Variants in PATJ observed in about 807,000 individuals in gnomAD.
The protein encoded by PATJ is PATJ crumbs cell polarity complex component.
A neutral mutation model predicts 224.9 loss-of-function variants in PATJ; 190 were observed. The ratio of observed to expected loss-of-function variants is 0.84; its 90% confidence interval spans 0.75 to 0.95. The LOEUF is 0.95. Ranked by LOEUF, PATJ falls within the 40% of genes least tolerant of loss-of-function variation. The probability of loss-of-function intolerance (pLI) is 0.00; values close to 1 mark genes in which losing one functional copy is unlikely to be tolerated. For synonymous variants in PATJ, 769 were observed against 820.3 expected, an observed-to-expected ratio of 0.94 and a Z score of 1.07; for missense variants, 2,121 against 2,270.3, an observed-to-expected ratio of 0.93 and a Z score of 1.34.
intron 17 of PATJ, chr1:61,845,962 C>A (rs912608733): frequency 1.3e-5 from 2 of 152,164 alleles, no homozygotes; most frequent in African/African-American, 4.8e-5. Flanking sequence ...GAATGTAACA[C>A]CACGAGGTGA....
intron 38 of PATJ, among the ~76,000 whole-genome samples, chr1:62,121,549 T>C (rs1203884916): frequency 6.6e-6 from 1 of 151,670 alleles, no homozygotes; most frequent in Non-Finnish European, 1.5e-5. Flanking sequence ...GCGGATCACC[T>C]GAGGTCAGGA....
At chr1:62,050,233 G>C (rs1653359357) in intron 30 of PATJ, among the ~76,000 whole-genome samples, 1 of 151,782 alleles carries the variant, frequency 6.6e-6, no homozygotes, top group Admixed American at 6.6e-5. Flanking sequence ...ATCTCAAACA[G>C]TTTAGTCATA....
At chr1:61,800,854 G>A (rs1652329992) in intron 11 of PATJ, among the ~76,000 whole-genome samples, 1 of 152,122 alleles carries the variant, frequency 6.6e-6, no homozygotes, top group Non-Finnish European at 1.5e-5. Flanking sequence ...CCTTGTGATA[G>A]TTTGCTCAGA....
rs375857627 is a variant in PATJ, at chr1:61,806,504, A to T, written c.1626+980A>T. On this transcript the variant is annotated intron_variant, in intron 13 of 43. Transcript: ENST00000642238. ...CGTGGTGGCGGTCGCCTGTAATCCC[A>T]GCTACTCGGGAGACTGAGGCAGGAG... 2.0e-5 allele frequency among the ~76,000 whole-genome samples: 3 copies of T among 151,986 alleles called. No homozygotes were observed. In the East Asian group the frequency reaches 5.8e-4, roughly 29 times the overall value.
chr1:62,101,245 G>GTTTCT (rs1175843282), intron 33 of PATJ, among the ~76,000 whole-genome samples: 11 of 146,446 alleles, frequency 7.5e-5, no homozygotes, highest in Non-Finnish European at 1.5e-4. Context: ...TAACACAGTA[G>GTTTCT]TTTCTTTTCT....
intron 27 of PATJ, among the ~76,000 whole-genome samples, chr1:61,934,930 A>G (rs1676621180): frequency 6.6e-6 from 1 of 152,198 alleles, no homozygotes; most frequent in African/African-American, 2.4e-5. Flanking sequence ...TGTGCAGAAC[A>G]GCTTGACTTC....
At chr1:61,784,649 T>G (rs771525285) in intron 7 of PATJ, among the ~76,000 whole-genome samples, 15 of 152,172 alleles carry the variant, frequency 9.9e-5, no homozygotes, top group Non-Finnish European at 2.2e-4. Context: ...AAACACTTAT[T>G]AGACATATAT....
chr1:62,045,965 C>T (rs1210223613), intron 30 of PATJ, among the ~76,000 whole-genome samples: 2 of 152,052 alleles, frequency 1.3e-5, no homozygotes, highest in African/African-American at 4.8e-5. Context: ...CTTTGGGAGG[C>T]TAGGACCGAA....
chr1:62,117,398 TC>T, intron 37 of PATJ, 180 bp downstream of exon 37: 1 of 1,417,018 alleles, frequency 7.1e-7, no homozygotes, highest in Middle Eastern at 2.5e-4. Context: ...AATTCATTAA[TC>T]CCTAGATTTT....
At chr1:61,768,472 A>AAAAAAAATAAATAAATAAAT (rs1553154657) in intron 4 of PATJ, among the ~76,000 whole-genome samples, 3 of 149,306 alleles carry the variant, frequency 2.0e-5, no homozygotes, top group African/African-American at 7.4e-5. Flanking sequence ...TCCGTCTCAA[A>AAAAAAAATAAATAAATAAAT]AAATAAATAA....
chr1:61,972,795 A>G (rs929230884), intron 27 of PATJ, among the ~76,000 whole-genome samples: 2 of 152,066 alleles, frequency 1.3e-5, no homozygotes, highest in Non-Finnish European at 2.9e-5. Flanking sequence ...ACAGTTAATT[A>G]ATTTTCAGGA....
chr1:61,869,140 T>A (rs536680091), intron 20 of PATJ, among the ~76,000 whole-genome samples: 20 of 141,006 alleles, frequency 1.4e-4, no homozygotes, highest in Non-Finnish European at 3.0e-4. Flanking sequence ...GGAGTCTCGC[T>A]CTGTCGCCCA....
rs955997766 is a variant in PATJ at position 61,983,458 on chromosome 1, A to G, written c.3671-6710A>G. Among the ~76,000 whole-genome samples, 21 of 152,108 alleles carry G rather than the reference A, an allele frequency of 1.4e-4. 1 individual carries two copies. The highest frequency in any genetic ancestry group is 5.1e-4 in the African/African-American group (21 of 41,358). ...GTAATTTGTTTTTCTAGTACTACTA[A>G]TGGATTTTAATTTTGAATACAGCTC... On this transcript the variant is annotated intron_variant, in intron 27 of 43. Transcript: ENST00000642238.
At chr1:61,866,531 A>G (rs1665450795) in intron 20 of PATJ, among the ~76,000 whole-genome samples, 1 of 152,116 alleles carries the variant, frequency 6.6e-6, no homozygotes, top group African/African-American at 2.4e-5. Flanking sequence ...ATATATCTTC[A>G]TTTCTAACTA....
At chr1:61,888,611 G>A (rs1669198525) in intron 22 of PATJ, among the ~76,000 whole-genome samples, 1 of 152,166 alleles carries the variant, frequency 6.6e-6, no homozygotes, top group Non-Finnish European at 1.5e-5. Context: ...GTGAATAGTT[G>A]AATCTGGCAG....
chr1:62,021,512 T>G (rs540804453), intron 29 of PATJ, among the ~76,000 whole-genome samples: 1 of 152,330 alleles, frequency 6.6e-6, no homozygotes, highest in South Asian at 2.1e-4. Flanking sequence ...TCACTCCTAC[T>G]AAGCAACTCT....
At chr1:61,870,410 T>C (rs557589182) in intron 20 of PATJ, among the ~76,000 whole-genome samples, 43 of 152,260 alleles carry the variant, frequency 2.8e-4, no homozygotes, top group African/African-American at 1.0e-3. Flanking sequence ...CTAGGGTCTT[T>C]ATAGGCACAG....
chr1:61,829,434 A>G (rs2148767837), intron 16 of PATJ, among the ~76,000 whole-genome samples: 1 of 152,264 alleles, frequency 6.6e-6, no homozygotes, highest in African/African-American at 2.4e-5. Flanking sequence ...CTTTAATCTA[A>G]TCTTGCAAGG....
At chr1:62,146,175 TGAG>T (rs1668019661) in intron 41 of PATJ, among the ~76,000 whole-genome samples, 1 of 151,812 alleles carries the variant, frequency 6.6e-6, no homozygotes, top group Non-Finnish European at 1.5e-5. Context: ...GTTAAAGTGC[TGAG>T]GTGGGGATGC....
Sources: gnomAD v4.1 joint callset for allele counts (sites outside exome capture counted in the v4.1 genomes callset) on GRCh38, gnomAD v4.1.1 for gene constraint, MANE v1.5 for transcripts, NCBI Gene and HGNC (gene_info 2026-07-23, HGNC 2026-07-21) for gene names.